LRP12: variants seen among roughly 807,000 people sequenced by gnomAD.
LRP12 encodes low-density lipoprotein receptor-related protein 12.
Under a neutral mutation model 66.0 loss-of-function variants are expected in LRP12, and 14 were observed. The ratio of observed to expected loss-of-function variants is 0.21; its 90% CI spans 0.14 to 0.33. The LOEUF is 0.33. LRP12 is among the 10% of genes least tolerant of loss of function. LRP12 has a pLI of 1.00. For synonymous variants in LRP12, 357 were observed against 359.1 expected (o/e 0.99, Z 0.07); for missense variants, 889 against 1,053.4 (o/e 0.84, Z 2.16).
At position 104,497,694 on chromosome 8, in the gene LRP12, G is replaced by A. The variant is rs566542395; in HGVS notation, c.858C>T (p.Thr286=). Residue 286 remains threonine, a synonymous_variant, in exon 5 of 7, where the codon ACC becomes ACT. Transcript: ENST00000276654. This position sits in a 1 kb window ranked among gnomAD's most constrained non-coding sequence, Gnocchi z 4.3. ...PDFYPPGSNC[T]WLIDTGDHRK... Reference sequence around the variant, plus strand: ...GGTGATCACCAGTGTCTATTAACCAGGTGCAATTGCTTCCAGGAGGATAAA... The same window carrying A: ...GGTGATCACCAGTGTCTATTAACCAAGTGCAATTGCTTCCAGGAGGATAAA... The A allele has an allele frequency of 1.6e-5, 26 of 1,613,968 alleles. No homozygotes were observed. In the South Asian group the frequency reaches 2.9e-4, roughly 18 times the overall value.
At chr8:104,584,130 A>G (rs938405166) in intron 1 of LRP12, among the ~76,000 whole-genome samples, 23 of 152,010 alleles carry the variant, frequency 1.5e-4, no homozygotes, top group African/African-American at 5.3e-4. Context: ...ACTCTCTCAA[A>G]AAGCAGGGAG....
At chr8:104,498,211 T>A (rs1371619528) in intron 4 of LRP12, 135 bp from the exon 5 acceptor site, 2 of 917,894 alleles carry the variant, frequency 2.2e-6, no homozygotes, top group Non-Finnish European at 3.2e-6. Flanking sequence ...AAAAAACAGG[T>A]TGGTTTTTTA....
chr8:104,549,452 G>A (rs1021316737), intron 1 of LRP12, among the ~76,000 whole-genome samples: 8 of 147,900 alleles, frequency 5.4e-5, no homozygotes, highest in Non-Finnish European at 8.9e-5. Flanking sequence ...GCCCAGGCTG[G>A]AGTGTAGTGG....
chr8:104,582,071 T>C (rs1812258118), intron 1 of LRP12, among the ~76,000 whole-genome samples: 1 of 152,192 alleles, frequency 6.6e-6, no homozygotes, highest in African/African-American at 2.4e-5. Flanking sequence ...CTCACTTATA[T>C]TTGAAAAAGT....
chr8:104,517,516 G>A (rs1811088942), intron 2 of LRP12, among the ~76,000 whole-genome samples: 1 of 151,948 alleles, frequency 6.6e-6, no homozygotes, highest in African/African-American at 2.4e-5. Context: ...AAAGGTTATT[G>A]AGGGAAGAGA....
chr8:104,548,604 A>G (rs930728328), intron 1 of LRP12, among the ~76,000 whole-genome samples: 8 of 113,976 alleles, frequency 7.0e-5, no homozygotes, highest in African/African-American at 2.8e-4. Context: ...ATATAGAATT[A>G]TATAATTAAA....
chr8:104,563,245 T>A (rs1469668131), intron 1 of LRP12, among the ~76,000 whole-genome samples: 3 of 152,170 alleles, frequency 2.0e-5, no homozygotes, highest in African/African-American at 7.2e-5. Context: ...TTCATTTGCT[T>A]AACAAATGAT....
Position 104,588,919 on chromosome 8 carries a change from A to T in LRP12, c.-22T>A. On this transcript the variant is annotated 5_prime_UTR_variant, in exon 1 of 7. Transcript: ENST00000276654. ...CCATAACCACAGCAGATGGAGAGAG[A>T]GAGGAGGAGACGGAGGAGGAGGGAG... 6.3e-7 allele frequency: 1 copy of T among 1,579,184 alleles called. No homozygotes were observed. The highest frequency in any genetic ancestry group is 8.6e-7 in the Non-Finnish European group (1 of 1,159,178).
chr8:104,530,728 TTAAAA>T (rs1449731403), intron 2 of LRP12, among the ~76,000 whole-genome samples: 9 of 152,290 alleles, frequency 5.9e-5, no homozygotes, highest in Middle Eastern at 3.4e-3. Context: ...GTTGTATAAA[TTAAAA>T]TGTTTGTAAA....
chr8:104,573,557 A>T lies in LRP12; in HGVS notation c.79+15262T>A, dbSNP rs537991394. 1.3e-4 allele frequency among the ~76,000 whole-genome samples: 20 copies of T among 152,236 alleles called. No homozygotes were observed. In the South Asian group the frequency reaches 1.7e-3, roughly 13 times the overall value. On this transcript the variant is annotated intron_variant, in intron 1 of 6. Coordinates refer to ENST00000276654, the MANE Select transcript of LRP12 (RefSeq NM_013437.5). ...TCTTGGTTAGTGAAATAAAGTCTAA[A>T]CATACTAGGAATGAAAACATTTCTC...
rs376546543 is a variant in LRP12, at chr8:104,491,226, G to A, written c.2027C>T (p.Pro676Leu). The A allele has an allele frequency of 5.6e-6, 9 of 1,613,792 alleles. No homozygotes were observed. Among genetic ancestry groups the A allele is most frequent in the Non-Finnish European group, 7.6e-6 (9 of 1,179,972 alleles). Residue 676 changes from proline to leucine, a missense_variant, in exon 7 of 7, where the codon CCT becomes CTT. Physicochemically the swap from Pro to Leu is moderately conservative, Grantham distance 98 (BLOSUM62 -3). This residue lies in a region of LRP12 where 800 missense variants were observed against 964.5 expected (regional missense o/e 0.83). Transcript: ENST00000276654. The part of the protein sequence containing the change: ...GASGGVAAPL[P>L]QKVPPTTAVE... Reference sequence around the variant, plus strand: ...TGCCGTTGTGGGAGGGACTTTTTGAGGCAAAGGAGCTGCAACCCCACCAGA... The same window carrying A: ...TGCCGTTGTGGGAGGGACTTTTTGAAGCAAAGGAGCTGCAACCCCACCAGA...
chr8:104,588,964 A>ACGACGACGCCGC lies in LRP12; in HGVS notation c.-68_-67insGCGGCGTCGTCG, dbSNP rs548846399. On this transcript the variant is annotated 5_prime_UTR_variant, in exon 1 of 7. Coordinates refer to ENST00000276654, the MANE Select transcript of LRP12 (RefSeq NM_013437.5). ...AGGGAGGAGAAGCTGGAGGTAGACG[A>ACGACGACGCCGC]CGCCGACGCCGCCGCCGCCGCCGCC... 4.4e-6 allele frequency: 4 copies of ACGACGACGCCGC among 899,822 alleles called. No individual in the cohort carries two copies. In the African/African-American group the frequency reaches 1.1e-4, roughly 25 times the overall value. 55.7% of individuals were successfully genotyped at this position (899,822 alleles called of 1,614,324 possible).
At chr8:104,517,676 G>C (rs917134335) in intron 2 of LRP12, among the ~76,000 whole-genome samples, 5 of 152,084 alleles carry the variant, frequency 3.3e-5, no homozygotes. Context: ...ACGGTGGTTA[G>C]TGTCATTTGG....
chr8:104,527,929 C>T (rs1463396602), intron 2 of LRP12, among the ~76,000 whole-genome samples: 2 of 152,126 alleles, frequency 1.3e-5, no homozygotes, highest in African/African-American at 4.8e-5. Flanking sequence ...ATTTTACTCA[C>T]CACTTACTTC....
At chr8:104,518,737 A>T (rs1376534799) in intron 2 of LRP12, among the ~76,000 whole-genome samples, 1 of 152,112 alleles carries the variant, frequency 6.6e-6, no homozygotes, top group African/African-American at 2.4e-5. Flanking sequence ...TTTTATAAAC[A>T]GCATTCTAGA....
chr8:104,544,715 CTT>C (rs1334491005), intron 1 of LRP12, among the ~76,000 whole-genome samples: 1 of 152,152 alleles, frequency 6.6e-6, no homozygotes, highest in Non-Finnish European at 1.5e-5. Flanking sequence ...TAAGCCCACT[CTT>C]GAGACCATCC....
chr8:104,511,030 CTTTTTTTTTT>C (rs11350393), intron 2 of LRP12, among the ~76,000 whole-genome samples: 14 of 54,362 alleles, frequency 2.6e-4, no homozygotes, highest in Admixed American at 2.1e-3. Flanking sequence ...GGAAAAATGA[CTTTTTTTTTT>C]TTTTTTTTTT....
chr8:104,547,596 TAA>T (rs1811604720), intron 1 of LRP12, among the ~76,000 whole-genome samples: 1 of 121,670 alleles, frequency 8.2e-6, no homozygotes, highest in African/African-American at 3.3e-5. Context: ...ATATAATATA[TAA>T]TAATTATTAA....
At chr8:104,557,325 A>G (rs984542863) in intron 1 of LRP12, among the ~76,000 whole-genome samples, 2 of 152,154 alleles carry the variant, frequency 1.3e-5, no homozygotes, top group African/African-American at 4.8e-5. Flanking sequence ...AATTGGTAAA[A>G]AGGGAGTCAA....
Sources: gnomAD v4.1 joint callset for allele counts (sites outside exome capture counted in the v4.1 genomes callset) on GRCh38, gnomAD v4.1.1 for gene constraint, gnomAD v4.1.1 regional missense constraint, Gnocchi (gnomAD v3.1) non-coding constraint, MANE v1.5 for transcripts, NCBI Gene and HGNC (gene_info 2026-07-23, HGNC 2026-07-21) for gene names.